CCDC181: variants seen among roughly 807,000 people sequenced by gnomAD.
The protein encoded by CCDC181 is coiled-coil domain containing 181, also known as coiled-coil domain-containing protein 181.
Under a neutral mutation model 58.7 loss-of-function variants are expected in CCDC181, and 35 were observed. The observed-to-expected ratio is 0.60, with a 90% CI of 0.46 to 0.79. The LOEUF is 0.79. CCDC181 is among the 30% of genes least tolerant of loss of function. The pLI is 0.00. For missense variants in CCDC181, 517 were observed against 583.9 expected, an observed-to-expected ratio of 0.89 and a Z score of 1.18; for synonymous variants, 183 against 197.5, an observed-to-expected ratio of 0.93 and a Z score of 0.62.
At chr1:169,452,519 T>C (rs4656680) in intron 2 of CCDC181, 40,808 of 152,034 alleles carry the variant, frequency 0.27, 6,779 homozygotes, top group Non-Finnish European at 0.38. Context: ...GGAGGATTTA[T>C]CATGAAGCTA....
At chr1:169,408,516 C>T (rs1333001771) in intron 4 of CCDC181, among the ~76,000 whole-genome samples, 1 of 152,180 alleles carries the variant, frequency 6.6e-6, no homozygotes, top group East Asian at 1.9e-4. Context: ...AAGAGAGCAG[C>T]GGATTTCCCA....
chr1:169,454,480 G>A (rs1245149353), intron 2 of CCDC181: 1 of 151,882 alleles, frequency 6.6e-6, no homozygotes, highest in East Asian at 1.9e-4. Context: ...TCAGACATAA[G>A]GAAGAAATAA....
At chr1:169,422,590 G>GT (rs751311421) in intron 2 of CCDC181, among the ~76,000 whole-genome samples, 2 of 151,976 alleles carry the variant, frequency 1.3e-5, no homozygotes, top group Non-Finnish European at 2.9e-5. Flanking sequence ...GTATCAAAAG[G>GT]TAACTACAAA....
At chr1:169,424,713 A>G in intron 2 of CCDC181, 98 bp downstream of exon 2, 1 of 691,824 alleles carries the variant, frequency 1.4e-6, no homozygotes, top group Admixed American at 2.5e-5. Context: ...GATCAAAGAA[A>G]TTTTGTGATG....
chr1:169,439,139 C>A lies in CCDC181; in HGVS notation c.-23-14189G>T, dbSNP rs1035509689. ...CAAAGGAGCTGAACTGAGACAGACA[C>A]CCCATGGTAGAGCTACAGACACCCT... On this transcript the variant is annotated intron_variant, in intron 2 of 6. Coordinates refer to the CCDC181 transcript ENST00000545005. 2.0e-5 allele frequency among the ~76,000 whole-genome samples: 3 copies of A among 152,060 alleles called. No individual in the cohort carries two copies. The South Asian group carries it at 6.2e-4, about 32-fold the overall frequency.
intron 2 of CCDC181, among the ~76,000 whole-genome samples, chr1:169,445,509 A>G (rs1657349019): frequency 6.6e-6 from 1 of 152,130 alleles, no homozygotes; most frequent in Admixed American, 6.6e-5. Flanking sequence ...GTGGCATATC[A>G]TCCTTTTTGT....
intron 4 of CCDC181, among the ~76,000 whole-genome samples, chr1:169,417,097 A>C (rs1356702362): frequency 4.6e-5 from 7 of 152,168 alleles, no homozygotes; most frequent in Non-Finnish European, 1.0e-4. Flanking sequence ...TCTGGTTACC[A>C]AAATGGGGAA....
chr1:169,438,315 A>G (rs1571509389), intron 2 of CCDC181, among the ~76,000 whole-genome samples: 1 of 152,092 alleles, frequency 6.6e-6, no homozygotes, highest in Non-Finnish European at 1.5e-5. Context: ...CTCGTGTGGT[A>G]AGAATTTCTT....
At chr1:169,416,393 G>A (rs1656216643) in intron 4 of CCDC181, among the ~76,000 whole-genome samples, 1 of 152,062 alleles carries the variant, frequency 6.6e-6, no homozygotes, top group South Asian at 2.1e-4. Flanking sequence ...TTTCCGATAG[G>A]AGCCTCTGAG....
intron 2 of CCDC181, among the ~76,000 whole-genome samples, chr1:169,443,970 A>G (rs1657303795): frequency 6.6e-6 from 1 of 152,208 alleles, no homozygotes; most frequent in South Asian, 2.1e-4. Flanking sequence ...TAACAGTAAT[A>G]GACATAGTTA....
At chr1:169,432,905 G>A (rs1656958162) in intron 2 of CCDC181, among the ~76,000 whole-genome samples, 1 of 152,064 alleles carries the variant, frequency 6.6e-6, no homozygotes, top group African/African-American at 2.4e-5. Context: ...CTGAAAGACA[G>A]AAAGCTTTTC....
upstream of CCDC181, among the ~76,000 whole-genome samples, chr1:169,431,138 G>A (rs868554241): frequency 2.6e-5 from 4 of 152,118 alleles, no homozygotes; most frequent in Admixed American, 6.5e-5. Context: ...TAGGTTCACT[G>A]ACTCCAGACC....
intron 3 of CCDC181, among the ~76,000 whole-genome samples, chr1:169,421,135 G>A (rs867620925): frequency 3.9e-5 from 6 of 152,182 alleles, no homozygotes; most frequent in East Asian, 1.9e-4. Flanking sequence ...TGAGATCTCC[G>A]CTAACACAGA....
rs565739512 is a variant in CCDC181 at position 169,395,896 on chromosome 1, TAAAC to T, written c.1371-694_1371-691del. On this transcript the variant is annotated intron_variant, in intron 5 of 5. Coordinates refer to ENST00000367806, the MANE Select transcript of CCDC181 (RefSeq NM_001300969.2). ...TTTTGTTGTTTTTTTTTTTTCAGAA[TAAAC>T]AACTAAATAACTGTATTAGAAAAAA... 18 of 147,976 alleles carry T rather than the reference TAAAC, an allele frequency of 1.2e-4. No individual in the cohort carries two copies. In the East Asian group the frequency reaches 2.6e-3, roughly 21 times the overall value. 9.2% of individuals were successfully genotyped at this position (147,976 alleles called of 1,614,324 possible).
At chr1:169,446,239 A>T (rs1657370022) in intron 2 of CCDC181, among the ~76,000 whole-genome samples, 1 of 152,052 alleles carries the variant, frequency 6.6e-6, no homozygotes, top group Non-Finnish European at 1.5e-5. Flanking sequence ...AGGTCAAGAG[A>T]TCAAGACCAT....
At chr1:169,440,144 C>T (rs1295838564) in intron 2 of CCDC181, among the ~76,000 whole-genome samples, 5 of 152,280 alleles carry the variant, frequency 3.3e-5, no homozygotes, top group South Asian at 4.1e-4. Context: ...CTCTTCTACC[C>T]GCTATTTCCT....
intron 4 of CCDC181, among the ~76,000 whole-genome samples, chr1:169,406,306 C>A (rs1655652980): frequency 6.6e-6 from 1 of 152,134 alleles, no homozygotes; most frequent in Non-Finnish European, 1.5e-5. Flanking sequence ...GGTATATACC[C>A]AAAGGATTAT....
rs368827665 is a variant in CCDC181, at chr1:169,403,527, C to T, written c.1216-6136G>A. Among the ~76,000 whole-genome samples, 14 of 152,322 alleles carry T rather than the reference C, an allele frequency of 9.2e-5. No homozygotes were observed. The South Asian group carries it at 1.0e-3, about 11-fold the overall frequency. ...AAACTCACTCAAAACCGCTCAACTA[C>T]GTGGAAACTGAACAACCTGCTCCTG... On this transcript the variant is annotated intron_variant, in intron 4 of 5. Coordinates refer to ENST00000367806, the MANE Select transcript of CCDC181 (RefSeq NM_001300969.2).
chr1:169,412,685 A>G (rs992910048), intron 4 of CCDC181, among the ~76,000 whole-genome samples: 3 of 152,326 alleles, frequency 2.0e-5, no homozygotes, highest in South Asian at 2.1e-4. Context: ...TATATAGACC[A>G]GTGGAACAGA....
Sources: allele counts gnomAD v4.1 joint callset (sites outside exome capture counted in the v4.1 genomes callset), GRCh38; gene constraint gnomAD v4.1.1; transcripts MANE v1.5; gene names NCBI Gene and HGNC (gene_info 2026-07-23, HGNC 2026-07-21).